The following PCDHA6 variants were observed in gnomAD, a reference collection of about 807,000 sequenced individuals.
The protein encoded by PCDHA6 is protocadherin alpha 6.
Under a neutral mutation model 60.3 loss-of-function variants are expected in PCDHA6, and 55 were observed. The ratio of observed to expected loss-of-function variants is 0.91; its 90% CI spans 0.73 to 1.14. The LOEUF (loss-of-function observed/expected upper bound fraction) is 1.14. PCDHA6 is among the 50% of genes most tolerant of loss of function. The pLI is 0.00. For synonymous variants in PCDHA6, 652 were observed against 557.9 expected (o/e 1.17, Z -2.38); for missense variants, 1,327 against 1,256.5 (o/e 1.06, Z -0.85).
chr5:141,003,740 C>T (rs1490080996), intron 3 of PCDHA6, among the ~76,000 whole-genome samples: 1 of 152,146 alleles, frequency 6.6e-6, no homozygotes, highest in African/African-American at 2.4e-5. Flanking sequence ...AAAGCAAAAC[C>T]ATATTTTGTA....
chr5:140,829,849 T>C lies in PCDHA6; in HGVS notation c.1758T>C (p.Gly586=). The C allele has an allele frequency of 6.2e-7, 1 of 1,613,860 alleles. No homozygotes were observed. The highest frequency in any genetic ancestry group is 8.5e-7 in the Non-Finnish European group (1 of 1,179,878). Residue 586 remains glycine (G), a synonymous_variant, in exon 1 of 4, where the codon GGT becomes GGC. Coordinates refer to ENST00000529310, the MANE Select transcript of PCDHA6 (RefSeq NM_018909.4). ...GCGAGCTGGTGCCGCGGTCACTGGG[T>C]GCAGGCCAAGTGGTGGCGAAGGTGC... ...AVSELVPRSL[G]AGQVVAKVRA... is the part of the protein sequence containing the mutation.
chr5:140,868,979 C>T, intron 1 of PCDHA6: 6 of 1,485,290 alleles, frequency 4.0e-6, no homozygotes, highest in Non-Finnish European at 5.4e-6. Flanking sequence ...TCCATCATAC[C>T]GGATGCCACC....
At chr5:140,941,214 C>CTTCCTTTCTTTCTTT (rs1554214039) in intron 1 of PCDHA6, among the ~76,000 whole-genome samples, 1 of 122,414 alleles carries the variant, frequency 8.2e-6, no homozygotes, top group Non-Finnish European at 1.7e-5. Context: ...TTTCTTTCTT[C>CTTCCTTTCTTTCTTT]CTTTCTTTCT....
At chr5:140,870,097 C>T in intron 1 of PCDHA6, 1 of 1,613,888 alleles carries the variant, frequency 6.2e-7, no homozygotes, top group African/African-American at 1.3e-5. Context: ...AATGGCAGGT[C>T]ACTGTACAGT....
intron 1 of PCDHA6, among the ~76,000 whole-genome samples, chr5:140,937,123 C>T (rs1255527159): frequency 1.3e-5 from 2 of 151,390 alleles, no homozygotes; most frequent in Non-Finnish European, 2.9e-5. Context: ...CTGCAAGCTC[C>T]GCCTCCCGGG....
chr5:140,915,785 A>T (rs188846929), intron 1 of PCDHA6, among the ~76,000 whole-genome samples: 14 of 152,134 alleles, frequency 9.2e-5, no homozygotes, highest in Admixed American at 7.2e-4. Flanking sequence ...TGCTGTAACC[A>T]CTACCTGACT....
rs2150181303 is a variant in PCDHA6, at chr5:140,830,114, G to A, written c.2023G>A (p.Ala675Thr). 6.2e-7 allele frequency: 1 copy of A among 1,613,542 alleles called. No individual in the cohort carries two copies. The highest frequency in any genetic ancestry group is 1.1e-5 in the South Asian group (1 of 91,060). The change falls in exon 1 of 4, where the codon GCT becomes ACT. Residue 675 changes from alanine (A) to threonine (T), a missense_variant. Ala to Thr is a moderately conservative substitution (Grantham distance 58). Transcript: ENST00000529310. ...VLVSLVESGQ[A>T]PKASSRASVG... is the part of the protein sequence containing the mutation. ...GGTGTCGCTGGTGGAGAGTGGCCAG[G>A]CTCCAAAGGCGTCATCACGGGCGTC...
chr5:140,925,952 ACTG>A (rs1295981015), intron 1 of PCDHA6, among the ~76,000 whole-genome samples: 1 of 151,952 alleles, frequency 6.6e-6, no homozygotes, highest in Non-Finnish European at 1.5e-5. Flanking sequence ...AGAAGGAGAA[ACTG>A]CTATCACGCA....
chr5:140,938,226 A>G lies in PCDHA6; in HGVS notation c.2395-40723A>G, dbSNP rs529190111. On this transcript the variant is annotated intron_variant, in intron 1 of 3. Transcript: ENST00000529310. ...CTCCCAAAGTGCTGGGATTACAGGC[A>G]TAGGCCACCATGCCTGGTCTTTTAA... Among the ~76,000 whole-genome samples the G allele has an allele frequency of 3.3e-5, 5 of 152,330 alleles. No individual in the cohort carries two copies. In the South Asian group the frequency reaches 1.0e-3, roughly 32 times the overall value.
intron 3 of PCDHA6, among the ~76,000 whole-genome samples, chr5:140,995,774 G>A (rs2097697505): frequency 1.3e-5 from 2 of 151,968 alleles, no homozygotes; most frequent in Admixed American, 1.3e-4. Context: ...GAGAGTGAAG[G>A]GCAGGTTTAA....
chr5:140,884,445 C>G, intron 1 of PCDHA6: 1 of 1,613,802 alleles, frequency 6.2e-7, no homozygotes, highest in Non-Finnish European at 8.5e-7. Flanking sequence ...TGCTCGGCAC[C>G]GCCCACCGAG....
chr5:140,952,058 T>A (rs889374877), intron 1 of PCDHA6, among the ~76,000 whole-genome samples: 7 of 151,978 alleles, frequency 4.6e-5, no homozygotes, highest in Non-Finnish European at 8.8e-5. Context: ...ATCTTAAAGC[T>A]CCAAATAATC....
chr5:140,908,308 G>A (rs1011025623), intron 1 of PCDHA6, among the ~76,000 whole-genome samples: 19 of 152,170 alleles, frequency 1.2e-4, no homozygotes, highest in African/African-American at 4.6e-4. Context: ...AAGGAAGGGC[G>A]GCAGGAGTGG....
chr5:140,921,282 A>C (rs1208744523), intron 1 of PCDHA6, among the ~76,000 whole-genome samples: 1 of 152,224 alleles, frequency 6.6e-6, no homozygotes, highest in Non-Finnish European at 1.5e-5. Flanking sequence ...CTTGAAAAAA[A>C]CCTCAAATTT....
chr5:140,907,034 C>G (rs1554192846), intron 1 of PCDHA6, among the ~76,000 whole-genome samples: 1 of 152,142 alleles, frequency 6.6e-6, no homozygotes, highest in Admixed American at 6.5e-5. Context: ...AACATAATGT[C>G]ACAGGGACAG....
rs2150325901 is a variant in PCDHA6 at position 140,841,940 on chromosome 5, G to A, written c.2394+11455G>A. Reference sequence around the variant, plus strand: ...ATCCTTGGACAGAGAGGACGCTCCTGCGCACCACTTATTCCTGACAGCCAC... The same window carrying A: ...ATCCTTGGACAGAGAGGACGCTCCTACGCACCACTTATTCCTGACAGCCAC... On this transcript the variant is annotated intron_variant, in intron 1 of 3. Transcript: ENST00000529310. 5.0e-6 allele frequency: 8 copies of A among 1,613,930 alleles called. No individual in the cohort carries two copies. In the South Asian group the frequency reaches 6.6e-5, roughly 13 times the overall value.
intron 3 of PCDHA6, among the ~76,000 whole-genome samples, chr5:140,991,829 G>A (rs530610195): frequency 3.3e-5 from 5 of 152,196 alleles, no homozygotes; most frequent in South Asian, 2.1e-4. Flanking sequence ...CATTTATAAC[G>A]GCAGAACCGC....
chr5:140,918,750 CAG>C (rs2078839943), intron 1 of PCDHA6, among the ~76,000 whole-genome samples: 1 of 152,070 alleles, frequency 6.6e-6, no homozygotes, highest in African/African-American at 2.4e-5. Flanking sequence ...AAAAGAGGCC[CAG>C]AGAGGTGCCT....
chr5:140,870,107 T>C, intron 1 of PCDHA6: 1 of 1,613,786 alleles, frequency 6.2e-7, no homozygotes, highest in Admixed American at 1.7e-5. Flanking sequence ...CACTGTACAG[T>C]CTGGGTGGAA....
Sources: gnomAD v4.1 joint callset for allele counts (sites outside exome capture counted in the v4.1 genomes callset) on GRCh38, gnomAD v4.1.1 for gene constraint, MANE v1.5 for transcripts, NCBI Gene and HGNC (gene_info 2026-07-23, HGNC 2026-07-21) for gene names.